CCDC191: variants seen among roughly 807,000 people sequenced by gnomAD.
The protein encoded by CCDC191 is coiled-coil domain-containing protein 191.
In CCDC191, 99 loss-of-function variants were observed where a neutral mutation model predicts 114.0. The observed-to-expected ratio is 0.87, with a 90% CI of 0.74 to 1.03. The LOEUF (loss-of-function observed/expected upper bound fraction) is 1.03. Among genes scored for constraint, CCDC191 ranks in the 50% least tolerant of loss-of-function variants. CCDC191 has a pLI of 0.00. For missense variants in CCDC191, 973 were observed against 1,087.0 expected (o/e 0.90, Z 1.47); for synonymous variants, 351 against 376.0 (o/e 0.93, Z 0.77).
At chr3:114,012,750 T>G (rs543955737) in intron 8 of CCDC191, among the ~76,000 whole-genome samples, 1 of 152,368 alleles carries the variant, frequency 6.6e-6, no homozygotes, top group Non-Finnish European at 1.5e-5. Flanking sequence ...TTACCTGATG[T>G]ATTAATTTCC....
At chr3:114,042,897 C>A in intron 3 of CCDC191, 51 bp from the exon 4 acceptor site, 1 of 1,490,392 alleles carries the variant, frequency 6.7e-7, no homozygotes, top group South Asian at 1.3e-5. Context: ...CAGAGATTTT[C>A]TTTATTCACT....
At chr3:114,004,398 G>T in intron 11 of CCDC191, 1 of 1,069,646 alleles carries the variant, frequency 9.3e-7, no homozygotes. Context: ...TTTCAGCTAT[G>T]TTTTTTTGTG....
At position 114,031,105 on chromosome 3, in the gene CCDC191, A is replaced by G. The variant is rs562213685; in HGVS notation, c.972+521T>C. Among the ~76,000 whole-genome samples, 3 of 152,328 alleles carry G rather than the reference A, an allele frequency of 2.0e-5. No homozygotes were observed. The South Asian group carries it at 6.2e-4, about 32-fold the overall frequency. ...AAAATCAGCAAGTAATTTTTACAAA[A>G]AGATAAAGTGAAAGAAAGGAAGAAA... On this transcript the variant is annotated intron_variant, in intron 7 of 16. Coordinates refer to ENST00000295878, the MANE Select transcript of CCDC191 (RefSeq NM_020817.2).
chr3:113,979,550 CAAAAT>C (rs1411248445), intron 14 of CCDC191, among the ~76,000 whole-genome samples: 3 of 152,148 alleles, frequency 2.0e-5, no homozygotes, highest in Admixed American at 6.5e-5. Flanking sequence ...ATCATTCTAT[CAAAAT>C]AAACATACAA....
chr3:114,024,490 C>G (rs565724051), intron 7 of CCDC191, among the ~76,000 whole-genome samples: 1 of 152,242 alleles, frequency 6.6e-6, no homozygotes, highest in Admixed American at 6.5e-5. Flanking sequence ...GAAAATGTGG[C>G]ACATATACAC....
intron 2 of CCDC191, among the ~76,000 whole-genome samples, chr3:114,049,021 A>G (rs746263074): frequency 2.6e-4 from 39 of 152,254 alleles, no homozygotes; most frequent in Non-Finnish European, 3.8e-4. Flanking sequence ...AAAACTTGCC[A>G]TGGGCTTTTC....
chr3:113,969,488 G>C (rs960174909), intron 16 of CCDC191, among the ~76,000 whole-genome samples: 1 of 152,160 alleles, frequency 6.6e-6, no homozygotes, highest in African/African-American at 2.4e-5. Context: ...TCTGGACTTA[G>C]ATTTAAATCT....
At chr3:114,044,146 T>G (rs1247850952) in intron 3 of CCDC191, among the ~76,000 whole-genome samples, 3 of 151,684 alleles carry the variant, frequency 2.0e-5, no homozygotes, top group Non-Finnish European at 2.9e-5. Flanking sequence ...CAGACTGTAT[T>G]TAAAATCATA....
chr3:114,004,280 T>A, intron 11 of CCDC191: 1 of 990,818 alleles, frequency 1.0e-6, no homozygotes, highest in Non-Finnish European at 1.2e-6. Context: ...ATGACAGGTG[T>A]CCTTTATCAG....
At chr3:114,017,019 T>C (rs1411840004) in intron 8 of CCDC191, among the ~76,000 whole-genome samples, 2 of 152,124 alleles carry the variant, frequency 1.3e-5, no homozygotes, top group African/African-American at 4.8e-5. Context: ...TCTATTTTTT[T>C]CACCAAAGAT....
intron 2 of CCDC191, among the ~76,000 whole-genome samples, chr3:114,050,858 G>T (rs1263647310): frequency 1.3e-5 from 2 of 152,188 alleles, no homozygotes; most frequent in Non-Finnish European, 2.9e-5. Context: ...TCAAGTTACA[G>T]AATGCCCTGG....
chr3:113,989,490 A>G (rs2075484393), intron 13 of CCDC191, among the ~76,000 whole-genome samples: 2 of 152,232 alleles, frequency 1.3e-5, no homozygotes, highest in South Asian at 4.1e-4. Context: ...TTAAAACTAG[A>G]AATTAAACTA....
chr3:113,997,320 G>A (rs1009054453), intron 13 of CCDC191, among the ~76,000 whole-genome samples: 3 of 152,108 alleles, frequency 2.0e-5, no homozygotes, highest in African/African-American at 7.2e-5. Context: ...ATACATATAT[G>A]TACATATACA....
At position 113,976,263 on chromosome 3, in the gene CCDC191, T is replaced by TA. The variant is rs543581215; in HGVS notation, c.2606+1922dup. The stretch of plus-strand genomic sequence containing the variant: ...GACAGAGTAAGACTTTGTCTCAGGG[T>TA]AAAAAAAAAAACAAAACAAAACACA... On this transcript the variant is annotated intron_variant, in intron 16 of 16. Transcript: ENST00000295878. Among the ~76,000 whole-genome samples the TA allele has an allele frequency of 3.2e-3, 440 of 137,410 alleles. 3 individuals carry two copies. The highest frequency in any genetic ancestry group is 7.5e-3 in the Middle Eastern group (2 of 268). The allele number at this position is 137,410 out of a possible 152,430, so 90.1% of individuals were successfully genotyped here.
chr3:114,031,821 A>C, intron 6 of CCDC191, 42 bp from the exon 7 acceptor site: 4 of 908,598 alleles, frequency 4.4e-6, no homozygotes, highest in Non-Finnish European at 5.1e-6. Flanking sequence ...TTTACAATAG[A>C]TTTAAAAATG....
chr3:113,979,189 T>C (rs2075048991), intron 14 of CCDC191, among the ~76,000 whole-genome samples, 179 bp from the exon 15 acceptor site: 1 of 152,240 alleles, frequency 6.6e-6, no homozygotes, highest in South Asian at 2.1e-4. Context: ...ATGGAGGTTA[T>C]AGATTCACAT....
intron 9 of CCDC191, among the ~76,000 whole-genome samples, chr3:114,007,915 G>GT (rs2075998847): frequency 6.6e-6 from 1 of 151,446 alleles, no homozygotes; most frequent in Admixed American, 6.6e-5. Flanking sequence ...AGGGTCTATT[G>GT]TAGCCCTCTA....
At chr3:114,014,079 G>A (rs2076118497) in intron 8 of CCDC191, among the ~76,000 whole-genome samples, 1 of 152,118 alleles carries the variant, frequency 6.6e-6, no homozygotes, top group Non-Finnish European at 1.5e-5. Flanking sequence ...CGTTTTAAAA[G>A]CAAATGAAAA....
intron 2 of CCDC191, among the ~76,000 whole-genome samples, chr3:114,051,151 T>C (rs2076694029): frequency 6.6e-6 from 1 of 152,126 alleles, no homozygotes; most frequent in African/African-American, 2.4e-5. Context: ...CATTTTCCAT[T>C]GCTCAAACCA....
Sources: allele counts gnomAD v4.1 joint callset (sites outside exome capture counted in the v4.1 genomes callset), GRCh38; gene constraint gnomAD v4.1.1; transcripts MANE v1.5; gene names NCBI Gene and HGNC (gene_info 2026-07-23, HGNC 2026-07-21).